Variants in CDH8 observed in about 807,000 individuals in gnomAD.
CDH8 encodes the protein cadherin-8.
A neutral mutation model predicts 68.1 loss-of-function variants in CDH8; 17 were observed. The observed-to-expected ratio is 0.25, with a 90% confidence interval of 0.17 to 0.37. The LOEUF is 0.37. CDH8 is among the 10% of genes least tolerant of loss of function. The pLI, the probability that CDH8 is intolerant of heterozygous loss-of-function variation, is 1.00. For synonymous variants in CDH8, 372 were observed against 365.1 expected, an observed-to-expected ratio of 1.02 and a Z score of -0.21; for missense variants, 763 against 999.3, an observed-to-expected ratio of 0.76 and a Z score of 3.19.
intron 1 of CDH8, among the ~76,000 whole-genome samples, chr16:62,022,181 C>T (rs1902091614): frequency 6.6e-6 from 1 of 152,110 alleles, no homozygotes; most frequent in Admixed American, 6.5e-5. Context: ...GAATTTACCC[C>T]AATTTTTACA....
intron 9 of CDH8, among the ~76,000 whole-genome samples, chr16:61,724,147 G>A (rs1959274545): frequency 6.6e-6 from 1 of 150,600 alleles, no homozygotes; most frequent in Middle Eastern, 3.2e-3. Context: ...TTACACTTTT[G>A]AGAATACAAA....
intron 7 of CDH8, among the ~76,000 whole-genome samples, chr16:61,807,231 C>G (rs936763054): frequency 2.7e-5 from 4 of 149,002 alleles, no homozygotes; most frequent in Non-Finnish European, 5.9e-5. Context: ...AACAAAAAAC[C>G]AAACATGGCA....
At chr16:61,997,542 C>G (rs1330767099) in intron 2 of CDH8, among the ~76,000 whole-genome samples, 1 of 152,104 alleles carries the variant, frequency 6.6e-6, no homozygotes, top group Non-Finnish European at 1.5e-5. Context: ...AATGCTAAAA[C>G]TATTGGATGA....
intron 4 of CDH8, among the ~76,000 whole-genome samples, chr16:61,850,505 A>G (rs1207841074): frequency 6.6e-6 from 1 of 152,128 alleles, no homozygotes; most frequent in Non-Finnish European, 1.5e-5. Flanking sequence ...CACACATTCA[A>G]AGTCAGACTG....
At position 61,795,706 on chromosome 16, in the gene CDH8, C is replaced by T. The variant is rs79421933; in HGVS notation, c.1278-6224G>A. Among the ~76,000 whole-genome samples the T allele has an allele frequency of 3.6e-3, 551 of 152,156 alleles. 3 individuals carry two copies. The highest frequency in any genetic ancestry group is 0.013 in the African/African-American group (523 of 41,518). ...TACTAGTCACATGTTTTAGTAGCTT[C>T]GGGAAAGACAGAATTCTTTATGTGA... On this transcript the variant is annotated intron_variant, in intron 7 of 11. Transcript: ENST00000577390.
At chr16:61,659,547 C>A (rs899452941) in intron 10 of CDH8, among the ~76,000 whole-genome samples, 1 of 152,108 alleles carries the variant, frequency 6.6e-6, no homozygotes, top group Non-Finnish European at 1.5e-5. Flanking sequence ...TCCTCCTGGT[C>A]CCTACTCATG....
At chr16:62,010,714 G>A (rs993103814) in intron 2 of CDH8, among the ~76,000 whole-genome samples, 3 of 152,032 alleles carry the variant, frequency 2.0e-5, no homozygotes, top group Non-Finnish European at 4.4e-5. Context: ...CAAGATGGGC[G>A]AATCACCTGA....
chr16:61,647,982 G>T lies in CDH8; in HGVS notation c.*5626C>A. On this transcript the variant is annotated 3_prime_UTR_variant, in exon 12 of 12. Transcript: ENST00000577390. ...CAAGATGTGAATTAGATGGTGGCAG[G>T]TAACTCAAGTTGGGGAAATAGTACC... 4.8e-6 allele frequency: 3 copies of T among 624,136 alleles called. No individual in the cohort carries two copies. The highest frequency in any genetic ancestry group is 8.7e-6 in the Non-Finnish European group (3 of 346,670). The allele number at this position is 624,136 out of a possible 1,614,324, so 38.7% of individuals were successfully genotyped here.
intron 10 of CDH8, among the ~76,000 whole-genome samples, chr16:61,659,181 G>A (rs889336592): frequency 2.0e-5 from 3 of 152,134 alleles, no homozygotes; most frequent in African/African-American, 7.2e-5. Flanking sequence ...AGTGAAACTG[G>A]TGAAAATTAT....
chr16:61,906,840 C>A (rs77306751), intron 2 of CDH8, among the ~76,000 whole-genome samples: 1 of 152,132 alleles, frequency 6.6e-6, no homozygotes, highest in Non-Finnish European at 1.5e-5. Context: ...GCAAAGCCCT[C>A]GCATTTCCTC....
intron 2 of CDH8, among the ~76,000 whole-genome samples, chr16:61,998,380 G>A (rs1965841759): frequency 6.6e-6 from 1 of 152,100 alleles, no homozygotes; most frequent in Non-Finnish European, 1.5e-5. Flanking sequence ...TTATTTGACA[G>A]GTGAGTAAAT....
intron 2 of CDH8, among the ~76,000 whole-genome samples, chr16:61,997,823 A>G (rs1965831561): frequency 6.6e-6 from 1 of 152,212 alleles, no homozygotes; most frequent in African/African-American, 2.4e-5. Flanking sequence ...CAAAAATCTA[A>G]AAATGTTCCA....
intron 10 of CDH8, among the ~76,000 whole-genome samples, chr16:61,687,319 T>C (rs1964129235): frequency 6.6e-6 from 1 of 152,008 alleles, no homozygotes; most frequent in Non-Finnish European, 1.5e-5. Flanking sequence ...ATATGTACTG[T>C]ACACATACAG....
At chr16:61,669,671 C>G (rs1963752382) in intron 10 of CDH8, among the ~76,000 whole-genome samples, 1 of 152,046 alleles carries the variant, frequency 6.6e-6, no homozygotes, top group African/African-American at 2.4e-5. Flanking sequence ...CCTTTCTAGT[C>G]TCTGCTCCCA....
At chr16:61,669,960 C>T (rs559501790) in intron 10 of CDH8, among the ~76,000 whole-genome samples, 3 of 152,208 alleles carry the variant, frequency 2.0e-5, no homozygotes, top group East Asian at 3.9e-4. Context: ...CTTTCTAAAA[C>T]TTCAGCCTTA....
rs1210965844 is a variant in CDH8, at chr16:61,810,392, CCCTGCAT to C, written c.1277+7080_1277+7086del. Among the ~76,000 whole-genome samples, 21 of 152,124 alleles carry C rather than the reference CCCTGCAT, an allele frequency of 1.4e-4. 1 individual carries two copies. Among genetic ancestry groups the C allele is most frequent in the African/African-American group, 5.1e-4 (21 of 41,484 alleles). Reference sequence around the variant, plus strand: ...TCTGCTAGTTCCAGAATTCTAAGGTCCCTGCATCACATATTATTTATTATTCCTCTAA... The same window carrying C: ...TCTGCTAGTTCCAGAATTCTAAGGTCCACATATTATTTATTATTCCTCTAA... On this transcript the variant is annotated intron_variant, in intron 7 of 11. Transcript: ENST00000577390.
intron 2 of CDH8, among the ~76,000 whole-genome samples, chr16:61,953,732 G>A (rs181595307): frequency 6.6e-6 from 1 of 151,282 alleles, no homozygotes; most frequent in East Asian, 2.0e-4. Context: ...AGCCAGGCAT[G>A]GTGGCACATA....
chr16:61,760,933 A>G (rs1596941737), intron 8 of CDH8, among the ~76,000 whole-genome samples: 1 of 152,286 alleles, frequency 6.6e-6, no homozygotes, highest in East Asian at 1.9e-4. Context: ...GAGGGAAGAC[A>G]TAAACAATGA....
chr16:61,729,196 A>C (rs1320651271), intron 8 of CDH8, among the ~76,000 whole-genome samples: 1 of 151,212 alleles, frequency 6.6e-6, no homozygotes, highest in Admixed American at 6.6e-5. Flanking sequence ...TTAAGCATCA[A>C]CTTCAAAATG....
Sources: gnomAD v4.1 joint callset for allele counts (sites outside exome capture counted in the v4.1 genomes callset) on GRCh38, gnomAD v4.1.1 for gene constraint, MANE v1.5 for transcripts, NCBI Gene and HGNC (gene_info 2026-07-23, HGNC 2026-07-21) for gene names.